Variants in EDAR observed in about 807,000 individuals in gnomAD.
EDAR encodes the protein ectodysplasin A receptor, also known as tumor necrosis factor receptor superfamily member EDAR.
EDAR carries 38 observed loss-of-function variants against 51.3 expected under a neutral mutation model. The observed-to-expected ratio is 0.74, with a 90% confidence interval of 0.57 to 0.97. The LOEUF is 0.97. EDAR is among the 50% of genes least tolerant of loss of function. The pLI is 0.00. For synonymous variants in EDAR, 227 were observed against 242.1 expected (o/e 0.94, Z 0.58); for missense variants, 528 against 595.0 (o/e 0.89, Z 1.17).
At chr2:108,978,179 C>T (rs1327759684) in intron 1 of EDAR, among the ~76,000 whole-genome samples, 4 of 152,328 alleles carry the variant, frequency 2.6e-5, no homozygotes, top group East Asian at 1.9e-4. Context: ...TGCTGAGCTA[C>T]GGCCTTCACT....
chr2:108,918,799 T>C (rs1433657645), intron 5 of EDAR, among the ~76,000 whole-genome samples: 2 of 152,176 alleles, frequency 1.3e-5, no homozygotes, highest in Admixed American at 1.3e-4. Flanking sequence ...ATCTCACCAG[T>C]ATGCATTAGA....
chr2:108,986,853 A>C (rs1322705937), intron 1 of EDAR, among the ~76,000 whole-genome samples: 1 of 152,242 alleles, frequency 6.6e-6, no homozygotes, highest in African/African-American at 2.4e-5. Context: ...TGGAGGCGGC[A>C]TACTCACAGG....
At chr2:108,965,322 A>C (rs1698127707) in intron 1 of EDAR, among the ~76,000 whole-genome samples, 1 of 152,274 alleles carries the variant, frequency 6.6e-6, no homozygotes, top group East Asian at 1.9e-4. Flanking sequence ...CTAAAAATAC[A>C]AAAACAAAAT....
At chr2:108,913,949 C>CA (rs71383816) in intron 5 of EDAR, among the ~76,000 whole-genome samples, 5,221 of 109,096 alleles carry the variant, frequency 0.048, 462 homozygotes, top group African/African-American at 0.18. Flanking sequence ...GATTCCGTCT[C>CA]AAAAAAAAAA....
At chr2:108,923,549 C>A in intron 4 of EDAR, 96 bp from the exon 5 acceptor site, 1 of 1,147,804 alleles carries the variant, frequency 8.7e-7, no homozygotes, top group East Asian at 2.3e-5. Context: ...TCTGCAGGCC[C>A]ACAATCAAGT....
Position 108,948,944 on chromosome 2 carries a change from C to A in EDAR, c.-18-17912G>T, listed in dbSNP as rs532190103. 2.0e-5 allele frequency among the ~76,000 whole-genome samples: 3 copies of A among 152,142 alleles called. No individual in the cohort carries two copies. The South Asian group carries it at 6.2e-4, about 32-fold the overall frequency. ...ACTGGTCTGGACAAGACAGTGAGACCCCCATCACTAAAAAACTTAAAAAAA... is the reference window on the plus strand; with the variant it reads ...ACTGGTCTGGACAAGACAGTGAGACACCCATCACTAAAAAACTTAAAAAAA... On this transcript the variant is annotated intron_variant, in intron 1 of 11. Transcript: ENST00000258443.
intron 1 of EDAR, among the ~76,000 whole-genome samples, chr2:108,972,912 G>A (rs1014101340): frequency 6.6e-6 from 1 of 152,234 alleles, no homozygotes; most frequent in Non-Finnish European, 1.5e-5. Context: ...CCCAGAACAA[G>A]GCAACCTGTG....
chr2:108,984,463 C>A (rs917698471), intron 1 of EDAR, among the ~76,000 whole-genome samples: 1 of 152,002 alleles, frequency 6.6e-6, no homozygotes, highest in Admixed American at 6.6e-5. Context: ...CCTGGTTCTC[C>A]TCTCCTCTCC....
chr2:108,960,193 CCAG>C (rs369509776), intron 1 of EDAR, among the ~76,000 whole-genome samples: 684 of 152,308 alleles, frequency 4.5e-3, no homozygotes, highest in African/African-American at 0.016. Flanking sequence ...CTGGCAACCA[CCAG>C]TTCTCCCCGG....
chr2:108,974,329 C>CAAAAAAAAAA (rs11346592), intron 1 of EDAR, among the ~76,000 whole-genome samples: 1 of 61,496 alleles, frequency 1.6e-5, no homozygotes, highest in East Asian at 9.9e-4. Context: ...GGATCCGTCT[C>CAAAAAAAAAA]AAAAAAAAAA....
intron 1 of EDAR, among the ~76,000 whole-genome samples, chr2:108,979,440 C>CTT (rs1432355876): frequency 0.14 from 10,793 of 79,562 alleles, 1,033 homozygotes; most frequent in African/African-American, 0.28. Context: ...CTCTCTTTCT[C>CTT]TCTCTCTGTC....
chr2:108,932,528 C>CAAAAAAAAAAAAAAAAAAAAAA (rs1171012818), intron 1 of EDAR, among the ~76,000 whole-genome samples: 1 of 39,122 alleles, frequency 2.6e-5, no homozygotes, highest in African/African-American at 1.0e-4. Context: ...GACTCTGTCT[C>CAAAAAAAAAAAAAAAAAAAAAA]AAAAAAAAAA....
At chr2:108,927,261 G>C (rs1697274241) in intron 4 of EDAR, among the ~76,000 whole-genome samples, 1 of 152,172 alleles carries the variant, frequency 6.6e-6, no homozygotes, top group African/African-American at 2.4e-5. Context: ...GCTGAGAGTG[G>C]TGTGGACTGA....
chr2:108,921,061 G>C (rs140663661), intron 5 of EDAR, among the ~76,000 whole-genome samples: 1 of 152,210 alleles, frequency 6.6e-6, no homozygotes, highest in Admixed American at 6.5e-5. Context: ...CAAGCAATTC[G>C]AGTCATAAGA....
At chr2:108,972,076 C>A (rs770088121) in intron 1 of EDAR, among the ~76,000 whole-genome samples, 1 of 152,256 alleles carries the variant, frequency 6.6e-6, no homozygotes, top group Admixed American at 6.5e-5. Context: ...CAGCCGACTG[C>A]AGCCTCAGGA....
chr2:108,948,048 G>T (rs1697748099), intron 1 of EDAR, among the ~76,000 whole-genome samples: 1 of 152,072 alleles, frequency 6.6e-6, no homozygotes, highest in African/African-American at 2.4e-5. Flanking sequence ...AAAAAGCCAG[G>T]TCACATCTTG....
chr2:108,916,562 G>A (rs1478393505), intron 5 of EDAR, among the ~76,000 whole-genome samples: 1 of 152,162 alleles, frequency 6.6e-6, no homozygotes, highest in African/African-American at 2.4e-5. Context: ...TCACCGGATG[G>A]TTCCCTCCAA....
chr2:108,955,633 G>A (rs1388984725), intron 1 of EDAR, among the ~76,000 whole-genome samples: 2 of 151,132 alleles, frequency 1.3e-5, no homozygotes, highest in Non-Finnish European at 3.0e-5. Context: ...TTGAGCCCAG[G>A]AGGCGGAGGT....
chr2:108,909,737 C>T (rs1449343641), intron 9 of EDAR, among the ~76,000 whole-genome samples: 1 of 152,242 alleles, frequency 6.6e-6, no homozygotes, highest in Non-Finnish European at 1.5e-5. Context: ...TGACTTCCCT[C>T]TACCCTCGAT....
Sources: gnomAD v4.1 joint callset for allele counts (sites outside exome capture counted in the v4.1 genomes callset) on GRCh38, gnomAD v4.1.1 for gene constraint, MANE v1.5 for transcripts, NCBI Gene and HGNC (gene_info 2026-07-23, HGNC 2026-07-21) for gene names.